The following MYO3A variants were observed in gnomAD, a reference collection of about 807,000 sequenced individuals.
The protein encoded by MYO3A is myosin IIIA, also known as myosin-IIIa.
A neutral mutation model predicts 192.7 loss-of-function variants in MYO3A; 180 were observed. The observed-to-expected ratio is 0.93, with a 90% CI of 0.83 to 1.06. The LOEUF is 1.06. MYO3A is among the 50% of genes least tolerant of loss of function. The pLI is 0.00. For synonymous variants in MYO3A, 628 were observed against 645.3 expected, an observed-to-expected ratio of 0.97 and a Z score of 0.41; for missense variants, 1,896 against 1,905.0, an observed-to-expected ratio of 1.00 and a Z score of 0.09.
In MYO3A at chr10:26,154,786, C is replaced by T. The variant is rs1841012234; in HGVS notation, c.2756C>T (p.Thr919Ile). The T allele has an allele frequency of 6.2e-7, 1 of 1,613,648 alleles. No individual in the cohort carries two copies. Among genetic ancestry groups the T allele is most frequent in the African/African-American group, 1.3e-5 (1 of 74,902 alleles). Reference protein sequence around the residue: ...GEATRHARETTNMKTQTVASY... With the variant: ...GEATRHARETINMKTQTVASY... Reference sequence around the variant, plus strand: ...GCCACACGTCATGCCAGAGAGACAACCAACATGAAAACACAAACGGTTGCA... The same window carrying T: ...GCCACACGTCATGCCAGAGAGACAATCAACATGAAAACACAAACGGTTGCA... Residue 919 changes from threonine (T) to isoleucine (I), a missense_variant, in exon 25 of 35, where the codon ACC becomes ATC. Transcript: ENST00000642920.
At chr10:26,201,959 A>ACTCCTTTTTGCTTTTT (rs1356991904) in intron 33 of MYO3A, among the ~76,000 whole-genome samples, 1 of 151,474 alleles carries the variant, frequency 6.6e-6, no homozygotes, top group Non-Finnish European at 1.5e-5. Flanking sequence ...CTTTCCCCAA[A>ACTCCTTTTTGCTTTTT]CTCCTTTTTG....
rs138364649 is a variant in MYO3A at position 26,098,356 on chromosome 10, G to A, written c.1776+1674G>A. 4.3e-3 allele frequency among the ~76,000 whole-genome samples: 658 copies of A among 152,296 alleles called. 4 individuals carry two copies. Among genetic ancestry groups the A allele is most frequent in the African/African-American group, 0.015 (627 of 41,576 alleles). The stretch of plus-strand genomic sequence containing the variant: ...GATTGTAAAAATTTTCTCCCATTCT[G>A]TAGGTTGCCTATTCACTCTGATGGT... On this transcript the variant is annotated intron_variant, in intron 17 of 34. Coordinates refer to ENST00000642920, the MANE Select transcript of MYO3A (RefSeq NM_017433.5).
intron 31 of MYO3A, among the ~76,000 whole-genome samples, chr10:26,178,241 C>A (rs1034942507): frequency 6.6e-6 from 1 of 152,122 alleles, no homozygotes; most frequent in Non-Finnish European, 1.5e-5. Context: ...AGGCAGCTCA[C>A]CCCAGGCCGC....
chr10:26,201,906 G>T (rs1440806992), intron 33 of MYO3A, among the ~76,000 whole-genome samples: 3 of 152,086 alleles, frequency 2.0e-5, no homozygotes, highest in Non-Finnish European at 2.9e-5. Flanking sequence ...CCATGGAATG[G>T]TTTTGCTTGG....
At chr10:25,974,123 G>A (rs1564419030) in intron 4 of MYO3A, among the ~76,000 whole-genome samples, 1 of 152,112 alleles carries the variant, frequency 6.6e-6, no homozygotes, top group Non-Finnish European at 1.5e-5. Flanking sequence ...CTTCTGTACA[G>A]CAAAAGAAAC....
chr10:26,042,489 A>G (rs1564487403), intron 10 of MYO3A, among the ~76,000 whole-genome samples: 1 of 151,480 alleles, frequency 6.6e-6, no homozygotes, highest in Non-Finnish European at 1.5e-5. Flanking sequence ...GTTGTGCTTT[A>G]TTGTTTTTTA....
intron 10 of MYO3A, among the ~76,000 whole-genome samples, chr10:26,066,227 GAGTA>G (rs1312139640): frequency 1.3e-5 from 2 of 151,746 alleles, no homozygotes; most frequent in Non-Finnish European, 2.9e-5. Flanking sequence ...ACAGTTTTCT[GAGTA>G]AGTGTTAAGA....
intron 22 of MYO3A, among the ~76,000 whole-genome samples, chr10:26,146,434 A>T (rs1840469083): frequency 6.6e-6 from 1 of 152,148 alleles, no homozygotes; most frequent in African/African-American, 2.4e-5. Context: ...ACAGAAATTT[A>T]TTTTTTTGAC....
intron 15 of MYO3A, among the ~76,000 whole-genome samples, chr10:26,089,367 C>T (rs981623397): frequency 1.3e-5 from 2 of 151,928 alleles, no homozygotes; most frequent in African/African-American, 4.8e-5. Context: ...TTTGGGAGGC[C>T]AAGGCGGGTG....
In MYO3A at chr10:26,168,800, G is replaced by A. The variant is rs1841897830; in HGVS notation, c.3200G>A (p.Arg1067Lys). The change falls in exon 28 of 35, where the codon AGA becomes AAA. Residue 1067 changes from arginine to lysine, a missense_variant. By Grantham distance (26) the Arg-to-Lys change is conservative (BLOSUM62 2). Transcript: ENST00000642920. ...CTTATTTTGATTCAAGCTTGTGTCA[G>A]AGCATTCTTGTGTTCAAGAAGATAC... ...DKLILIQACV[R>K]AFLCSRRYQK... The A allele has an allele frequency of 6.2e-7, 1 of 1,613,246 alleles. No individual in the cohort carries two copies. The highest frequency in any genetic ancestry group is 1.3e-5 in the African/African-American group (1 of 75,042).
At chr10:26,198,562 TC>T (rs1375829720) in intron 32 of MYO3A, among the ~76,000 whole-genome samples, 1 of 152,232 alleles carries the variant, frequency 6.6e-6, no homozygotes, top group Non-Finnish European at 1.5e-5. Flanking sequence ...AGCTCCTTCA[TC>T]CGTCTAAATA....
At chr10:25,956,435 C>A (rs938941401) in intron 4 of MYO3A, among the ~76,000 whole-genome samples, 1 of 149,982 alleles carries the variant, frequency 6.7e-6, no homozygotes, top group Non-Finnish European at 1.5e-5. Flanking sequence ...TCAAGTGATT[C>A]TCGAGCCTCA....
intron 15 of MYO3A, among the ~76,000 whole-genome samples, chr10:26,090,609 A>G (rs902031573): frequency 8.5e-5 from 13 of 152,168 alleles, no homozygotes; most frequent in Non-Finnish European, 1.5e-5. Context: ...ACCTAATTTA[A>G]TTGCATTTTT....
At chr10:26,210,783 G>A (rs540676994) in intron 34 of MYO3A, among the ~76,000 whole-genome samples, 14 of 151,900 alleles carry the variant, frequency 9.2e-5, no homozygotes, top group African/African-American at 2.9e-4. Flanking sequence ...AGCCACAGTG[G>A]TCTCCTTGCT....
chr10:26,183,647 A>G (rs927993990), intron 31 of MYO3A, among the ~76,000 whole-genome samples: 4 of 152,316 alleles, frequency 2.6e-5, no homozygotes, highest in Admixed American at 6.5e-5. Flanking sequence ...GACCTATAGG[A>G]TGGGTAGAGG....
rs1239138855 is a variant in MYO3A, at chr10:26,068,771, A to G, written c.1057A>G (p.Thr353Ala). Reference sequence around the variant, plus strand: ...AAATTATTTTATTTTATTGCAGAATACAGTCTCAGAGCAACTTGAGAAGTG... The same window carrying G: ...AAATTATTTTATTTTATTGCAGAATGCAGTCTCAGAGCAACTTGAGAAGTG... Reference protein sequence around the residue: ...LATLEILDENTVSEQLEKCYS... With the variant: ...LATLEILDENAVSEQLEKCYS... Residue 353 changes from threonine to alanine, a missense_variant, in exon 12 of 35, where the codon ACA becomes GCA. By Grantham distance (58) the Thr-to-Ala change is moderately conservative. Coordinates refer to ENST00000642920, the MANE Select transcript of MYO3A (RefSeq NM_017433.5). 6.5e-7 allele frequency: 1 copy of G among 1,539,710 alleles called. No individual in the cohort carries two copies. Among genetic ancestry groups the G allele is most frequent in the South Asian group, 1.1e-5 (1 of 89,664 alleles).
chr10:25,981,117 C>T (rs1839301836), intron 4 of MYO3A, among the ~76,000 whole-genome samples: 1 of 152,000 alleles, frequency 6.6e-6, no homozygotes, highest in Non-Finnish European at 1.5e-5. Context: ...TTCAGATTGC[C>T]TTCTTTCATT....
chr10:25,969,968 A>G (rs1044979180), intron 4 of MYO3A, among the ~76,000 whole-genome samples: 8 of 152,128 alleles, frequency 5.3e-5, no homozygotes, highest in African/African-American at 1.9e-4. Context: ...GACAGATGAC[A>G]TTTCATAATG....
At chr10:26,199,586 A>C (rs959168179) in intron 32 of MYO3A, among the ~76,000 whole-genome samples, 1 of 152,172 alleles carries the variant, frequency 6.6e-6, no homozygotes, top group Admixed American at 6.5e-5. Context: ...AAAGAAAAGA[A>C]AAAAGAATAT....
Sources: allele counts gnomAD v4.1 joint callset (sites outside exome capture counted in the v4.1 genomes callset), GRCh38; gene constraint gnomAD v4.1.1; transcripts MANE v1.5; gene names NCBI Gene and HGNC (gene_info 2026-07-23, HGNC 2026-07-21).